Variants in SOS1 observed in about 807,000 individuals in gnomAD.
SOS1 encodes SOS Ras/Rac guanine nucleotide exchange factor 1, also known as son of sevenless homolog 1.
A neutral mutation model predicts 157.6 loss-of-function variants in SOS1; 25 were observed. The ratio of observed to expected loss-of-function variants is 0.16; its 90% CI spans 0.12 to 0.22. The LOEUF (loss-of-function observed/expected upper bound fraction) is 0.22. Ranked by LOEUF, SOS1 falls within the 10% of genes least tolerant of loss-of-function variation. SOS1 has a pLI of 1.00. For missense variants in SOS1, 1,237 were observed against 1,599.1 expected (o/e 0.77, Z 3.86); for synonymous variants, 528 against 534.0 (o/e 0.99, Z 0.16).
At chr2:39,064,739 T>C (rs36187759) in intron 2 of SOS1, among the ~76,000 whole-genome samples, 3 of 115,816 alleles carry the variant, frequency 2.6e-5, no homozygotes, top group African/African-American at 6.8e-5. Flanking sequence ...ATTTTTAAAA[T>C]ACATTTTTTT....
chr2:39,061,111 T>A (rs1671385196), intron 2 of SOS1, among the ~76,000 whole-genome samples: 1 of 152,042 alleles, frequency 6.6e-6, no homozygotes, highest in Admixed American at 6.6e-5. Flanking sequence ...GAATGATTTT[T>A]AAAAAGGCAA....
At chr2:38,990,646 A>G (rs899596696) in intron 20 of SOS1, among the ~76,000 whole-genome samples, 5 of 152,162 alleles carry the variant, frequency 3.3e-5, no homozygotes, top group African/African-American at 1.2e-4. Context: ...TACACTTAAT[A>G]CAATACAGGA....
chr2:39,120,174 G>C (rs1186825868), intron 1 of SOS1, among the ~76,000 whole-genome samples, 162 bp downstream of exon 1: 1 of 152,072 alleles, frequency 6.6e-6, no homozygotes, highest in Non-Finnish European at 1.5e-5. Context: ...AACACCGAGA[G>C]CCAGCCGTAT....
At chr2:39,009,717 G>A (rs1669398393) in intron 15 of SOS1, among the ~76,000 whole-genome samples, 1 of 152,038 alleles carries the variant, frequency 6.6e-6, no homozygotes, top group East Asian at 1.9e-4. Flanking sequence ...TTAATAAGAT[G>A]TAATATGTAT....
intron 17 of SOS1, among the ~76,000 whole-genome samples, chr2:39,002,688 G>A (rs940274666): frequency 2.0e-5 from 3 of 152,132 alleles, no homozygotes; most frequent in African/African-American, 7.2e-5. Context: ...AAACGAACTG[G>A]TAATATCTTT....
At chr2:38,990,361 T>G (rs1313521284) in intron 20 of SOS1, among the ~76,000 whole-genome samples, 1 of 152,168 alleles carries the variant, frequency 6.6e-6, no homozygotes, top group African/African-American at 2.4e-5. Context: ...TTCCTAAGTG[T>G]AGCAATCCAG....
chr2:39,016,132 T>C (rs1358509746), intron 10 of SOS1, among the ~76,000 whole-genome samples: 1 of 152,050 alleles, frequency 6.6e-6, no homozygotes, highest in Admixed American at 6.6e-5. Flanking sequence ...AAAAGCAAAT[T>C]CATGGATTTA....
Position 39,040,403 on chromosome 2 carries a change from A to G in SOS1, c.865-4903T>C, listed in dbSNP as rs535214247. 2.0e-3 allele frequency among the ~76,000 whole-genome samples: 310 copies of G among 152,262 alleles called. 1 individual carries two copies. Among genetic ancestry groups the G allele is most frequent in the African/African-American group, 7.1e-3 (294 of 41,554 alleles). Reference sequence around the variant, plus strand: ...GTGTACAATTAAGTGGCATTAATAGACAATGTGCAACGGTCCATTTCCAGA... The same window carrying G: ...GTGTACAATTAAGTGGCATTAATAGGCAATGTGCAACGGTCCATTTCCAGA... On this transcript the variant is annotated intron_variant, in intron 6 of 22. Coordinates refer to ENST00000402219, the MANE Select transcript of SOS1 (RefSeq NM_005633.4).
At chr2:39,122,447 TACACACACACAC>T (rs70954783), upstream of SOS1, among the ~76,000 whole-genome samples, 33 of 142,206 alleles carry the variant, frequency 2.3e-4, no homozygotes, top group Non-Finnish European at 4.3e-4. Context: ...AAAAAAAATA[TACACACACACAC>T]ACACACACAC....
intron 1 of SOS1, among the ~76,000 whole-genome samples, chr2:39,072,147 T>C (rs1464443376): frequency 6.6e-6 from 1 of 152,168 alleles, no homozygotes; most frequent in African/African-American, 2.4e-5. Context: ...CTTATACTCT[T>C]ACTGGGTTAA....
At chr2:39,100,228 T>C (rs1475389565) in intron 1 of SOS1, among the ~76,000 whole-genome samples, 3 of 152,234 alleles carry the variant, frequency 2.0e-5, no homozygotes, top group Non-Finnish European at 4.4e-5. Context: ...GGAATATAAA[T>C]TGGCACAGCC....
intron 17 of SOS1, among the ~76,000 whole-genome samples, chr2:38,998,371 T>C (rs934761242): frequency 2.0e-5 from 3 of 152,156 alleles, no homozygotes; most frequent in African/African-American, 7.2e-5. Flanking sequence ...TGTCTCAGCC[T>C]CCTGAGTAGC....
Position 39,058,737 on chromosome 2 carries a change from A to G in SOS1, c.281T>C (p.Ile94Thr), listed in dbSNP as rs397517161. 11 of 1,612,488 alleles carry G rather than the reference A, an allele frequency of 6.8e-6. No homozygotes were observed. Among genetic ancestry groups the G allele is most frequent in the Admixed American group, 3.3e-5 (2 of 59,972 alleles). Reference sequence around the variant, plus strand: ...AGGGTTTCTTCGCTTCCTCTTTTCAATAGCTGATTGGGCATCAGCTATTGC... The same window carrying G: ...AGGGTTTCTTCGCTTCCTCTTTTCAGTAGCTGATTGGGCATCAGCTATTGC... ...KWAIADAQSAIEKRKRRNPLS... is the reference protein window; with the variant it reads ...KWAIADAQSATEKRKRRNPLS... Residue 94 changes from isoleucine (I) to threonine (T), a missense_variant, in exon 3 of 23, where the codon ATT becomes ACT. By Grantham distance (89) the Ile-to-Thr change is moderately conservative. This residue lies in a region of SOS1 where 19 missense variants were observed against 39.4 expected (regional missense o/e 0.48). Transcript: ENST00000402219.
chr2:39,053,520 G>C (rs1671095157), intron 5 of SOS1, among the ~76,000 whole-genome samples: 1 of 151,968 alleles, frequency 6.6e-6, no homozygotes, highest in South Asian at 2.1e-4. Flanking sequence ...TAATTTAATG[G>C]TCTTTAATAT....
chr2:39,098,217 CT>C, intron 1 of SOS1: 1 of 226,528 alleles, frequency 4.4e-6, no homozygotes, highest in Non-Finnish European at 9.2e-6. Context: ...TCTAGAACTA[CT>C]TTGGTGCCTA....
intron 13 of SOS1, 90 bp downstream of exon 13, chr2:39,013,370 C>T (rs760865170): frequency 1.2e-6 from 1 of 834,274 alleles, no homozygotes; most frequent in Non-Finnish European, 2.1e-6. Context: ...AAACATCTTA[C>T]ATTACTGAGC....
intron 1 of SOS1, among the ~76,000 whole-genome samples, chr2:39,074,302 A>G (rs1039499289): frequency 2.7e-5 from 4 of 149,100 alleles, no homozygotes; most frequent in Admixed American, 2.0e-4. Context: ...GTGAGCTGAG[A>G]TCCTGCCACT....
intron 20 of SOS1, chr2:38,992,846 T>C (rs1391060748): frequency 1.3e-5 from 2 of 152,186 alleles, no homozygotes; most frequent in African/African-American, 4.8e-5. Flanking sequence ...TTACTTAATT[T>C]AGGGGGTTGG....
At chr2:39,062,433 AT>A (rs1198669356) in intron 2 of SOS1, among the ~76,000 whole-genome samples, 4 of 131,790 alleles carry the variant, frequency 3.0e-5, no homozygotes, top group African/African-American at 8.3e-5. Context: ...AAAAAAAAAA[AT>A]TAAAAAAAAA....
Sources: allele counts gnomAD v4.1 joint callset (sites outside exome capture counted in the v4.1 genomes callset), GRCh38; gene constraint gnomAD v4.1.1; regional missense constraint gnomAD v4.1.1; transcripts MANE v1.5; gene names NCBI Gene and HGNC (gene_info 2026-07-23, HGNC 2026-07-21).